The following DPF3 variants were observed in gnomAD, a reference collection of about 807,000 sequenced individuals.
DPF3 encodes zinc finger protein DPF3.
Under a neutral mutation model 56.8 loss-of-function variants are expected in DPF3, and 18 were observed. The ratio of observed to expected loss-of-function variants is 0.32; its 90% CI spans 0.22 to 0.47. The LOEUF (loss-of-function observed/expected upper bound fraction) is 0.47, where lower values mean the gene tolerates loss of function less well. Ranked by LOEUF, DPF3 falls within the 20% of genes least tolerant of loss-of-function variation. The pLI is 1.00. For synonymous variants in DPF3, 188 were observed against 180.2 expected, an observed-to-expected ratio of 1.04 and a Z score of -0.35; for missense variants, 403 against 488.8, an observed-to-expected ratio of 0.82 and a Z score of 1.65.
At position 72,618,362 on chromosome 14, in the gene DPF3, T is replaced by C. The variant is rs1884216646; in HGVS notation, c.*935A>G. 6.6e-6 allele frequency among the ~76,000 whole-genome samples: 1 copy of C among 152,140 alleles called. No homozygotes were observed. Among genetic ancestry groups the C allele is most frequent in the African/African-American group, 2.4e-5 (1 of 41,420 alleles). On this transcript the variant is annotated 3_prime_UTR_variant, in exon 11 of 11. Transcript: ENST00000556509. ...CCCCTGTATCCAGCATTCGGACACA[T>C]GATTGGGCAGCCTTCGCTCCCCTTC...
At chr14:72,755,424 T>C (rs563942028) in intron 2 of DPF3, among the ~76,000 whole-genome samples, 1 of 152,276 alleles carries the variant, frequency 6.6e-6, no homozygotes, top group Admixed American at 6.5e-5. Flanking sequence ...TGTTCCATTC[T>C]TTCTCTGCTG....
At chr14:72,728,732 A>C (rs1457278437) in intron 4 of DPF3, among the ~76,000 whole-genome samples, 3 of 152,092 alleles carry the variant, frequency 2.0e-5, no homozygotes, top group African/African-American at 4.8e-5. Context: ...TATGAGATAT[A>C]AGCAAGCAAA....
intron 3 of DPF3, among the ~76,000 whole-genome samples, chr14:72,742,095 C>A (rs890034985): frequency 6.6e-6 from 1 of 152,238 alleles, no homozygotes; most frequent in African/African-American, 2.4e-5. Context: ...CCTTCCAGCA[C>A]GTAATAGCCA....
chr14:72,870,628 C>A (rs1885861088), intron 1 of DPF3, among the ~76,000 whole-genome samples: 2 of 152,182 alleles, frequency 1.3e-5, no homozygotes, highest in Non-Finnish European at 2.9e-5. Flanking sequence ...ATAATAATGC[C>A]ATAGATTTCT....
At chr14:72,627,723 T>C (rs917374540) in intron 9 of DPF3, among the ~76,000 whole-genome samples, 1 of 152,128 alleles carries the variant, frequency 6.6e-6, no homozygotes, top group Non-Finnish European at 1.5e-5. Context: ...TGAGATAAAT[T>C]TATAAATTAA....
At chr14:72,850,823 G>A (rs1476857185) in intron 1 of DPF3, among the ~76,000 whole-genome samples, 6 of 152,080 alleles carry the variant, frequency 3.9e-5, no homozygotes, top group Non-Finnish European at 7.3e-5. Flanking sequence ...GTGTGTGTGC[G>A]CACGCGCATG....
intron 2 of DPF3, among the ~76,000 whole-genome samples, chr14:72,754,881 C>T (rs1890727936): frequency 4.6e-5 from 7 of 152,232 alleles, no homozygotes; most frequent in Admixed American, 4.6e-4. Flanking sequence ...CTCCACAGGT[C>T]ACAAGATTGT....
intron 6 of DPF3, among the ~76,000 whole-genome samples, chr14:72,706,180 C>T (rs1940056303): frequency 6.6e-6 from 1 of 152,144 alleles, no homozygotes; most frequent in African/African-American, 2.4e-5. Flanking sequence ...TCAGCATTAT[C>T]ATTATTACCT....
At chr14:72,868,211 G>A (rs1885755044) in intron 1 of DPF3, among the ~76,000 whole-genome samples, 1 of 152,092 alleles carries the variant, frequency 6.6e-6, no homozygotes, top group Admixed American at 6.5e-5. Flanking sequence ...GAGGTATGAA[G>A]GAAGAAGGGC....
At chr14:72,679,789 G>A (rs546925331) in intron 7 of DPF3, among the ~76,000 whole-genome samples, 9 of 152,366 alleles carry the variant, frequency 5.9e-5, no homozygotes, top group Admixed American at 2.0e-4. Context: ...AGAGGACGAC[G>A]GAGGGAAGGA....
chr14:72,620,491 G>C lies in DPF3; in HGVS notation c.985-507C>G, dbSNP rs753399334. 2.6e-5 allele frequency among the ~76,000 whole-genome samples: 4 copies of C among 152,290 alleles called. No individual in the cohort carries two copies. The East Asian group carries it at 7.7e-4, about 29-fold the overall frequency. On this transcript the variant is annotated intron_variant, in intron 9 of 10. Transcript: ENST00000556509. The stretch of plus-strand genomic sequence containing the variant: ...TAGAATGTAGAAAAATGCAAGTAGC[G>C]CCATCCCTCGGCTTCCAGAAGCTTC...
chr14:72,881,323 G>A (rs1259006915), intron 1 of DPF3, among the ~76,000 whole-genome samples: 1 of 151,974 alleles, frequency 6.6e-6, no homozygotes, highest in South Asian at 2.1e-4. Flanking sequence ...TGTTGTTGTT[G>A]TTGTTGTTGT....
intron 1 of DPF3, among the ~76,000 whole-genome samples, chr14:72,790,227 A>C (rs761699124): frequency 4.6e-5 from 7 of 152,168 alleles, no homozygotes; most frequent in Non-Finnish European, 1.0e-4. Context: ...TCTCTTAAAA[A>C]ATAATAATAA....
intron 6 of DPF3, among the ~76,000 whole-genome samples, chr14:72,699,709 C>G (rs1462645032): frequency 3.9e-5 from 6 of 152,110 alleles, no homozygotes; most frequent in African/African-American, 1.4e-4. Context: ...AATTGACTCA[C>G]AGCAACCTGC....
intron 1 of DPF3, among the ~76,000 whole-genome samples, chr14:72,790,676 C>T (rs992920209): frequency 1.3e-5 from 2 of 152,074 alleles, no homozygotes; most frequent in Admixed American, 6.5e-5. Context: ...TAAGACTTAA[C>T]CCCCATTCTG....
At chr14:72,843,155 G>A (rs1599489125) in intron 1 of DPF3, among the ~76,000 whole-genome samples, 1 of 152,278 alleles carries the variant, frequency 6.6e-6, no homozygotes, top group South Asian at 2.1e-4. Flanking sequence ...CTAGCTAGTC[G>A]AGTGTGGAGA....
chr14:72,892,137 G>A (rs1270802707), intron 1 of DPF3: 1 of 1,531,408 alleles, frequency 6.5e-7, no homozygotes, highest in East Asian at 2.4e-5. Context: ...TTTCCCAGGA[G>A]GAAACAAACC....
chr14:72,854,929 C>T (rs558682619), intron 1 of DPF3, among the ~76,000 whole-genome samples: 8 of 152,168 alleles, frequency 5.3e-5, no homozygotes, highest in Non-Finnish European at 1.0e-4. Context: ...TCTACTTTTG[C>T]CCTCTCCTTT....
intron 3 of DPF3, among the ~76,000 whole-genome samples, chr14:72,732,631 G>C (rs1025153273): frequency 2.0e-5 from 3 of 152,122 alleles, no homozygotes; most frequent in Non-Finnish European, 2.9e-5. Flanking sequence ...CTTTTTTTCT[G>C]AAGGTATCAG....
Sources: allele counts gnomAD v4.1 joint callset (sites outside exome capture counted in the v4.1 genomes callset), GRCh38; gene constraint gnomAD v4.1.1; transcripts MANE v1.5; gene names NCBI Gene and HGNC (gene_info 2026-07-23, HGNC 2026-07-21).